HIPK3: variants seen among roughly 807,000 people sequenced by gnomAD.
HIPK3 encodes the protein homeodomain-interacting protein kinase 3.
HIPK3 carries 47 observed loss-of-function variants against 124.2 expected under a neutral mutation model. The observed-to-expected ratio is 0.38, with a 90% CI of 0.30 to 0.48. The LOEUF is 0.48. HIPK3 is among the 20% of genes least tolerant of loss of function. The pLI is 0.98. For synonymous variants in HIPK3, 482 were observed against 515.2 expected (o/e 0.94, Z 0.87); for missense variants, 1,286 against 1,454.3 (o/e 0.88, Z 1.88).
At chr11:33,341,797 C>T in intron 8 of HIPK3, 111 bp downstream of exon 8, 1 of 1,028,300 alleles carries the variant, frequency 9.7e-7, no homozygotes, top group Non-Finnish European at 1.4e-6. Flanking sequence ...TTTAGTGCTA[C>T]ATTTGAATTT....
chr11:33,317,430 T>C (rs1192924864), intron 2 of HIPK3, among the ~76,000 whole-genome samples: 1 of 151,962 alleles, frequency 6.6e-6, no homozygotes, highest in African/African-American at 2.4e-5. Context: ...TCAGCTAATA[T>C]TTTTAAAAAA....
intron 12 of HIPK3, 88 bp downstream of exon 12, chr11:33,348,316 C>A: frequency 7.9e-7 from 1 of 1,259,486 alleles, no homozygotes; most frequent in Non-Finnish European, 1.1e-6. Flanking sequence ...TACCAAAAAG[C>A]AACTATTTAA....
chr11:33,273,546 T>G (rs1210323417), intron 1 of HIPK3, among the ~76,000 whole-genome samples: 1 of 149,132 alleles, frequency 6.7e-6, no homozygotes, highest in Non-Finnish European at 1.5e-5. Context: ...AAAGAAGATT[T>G]TGGACAATAC....
chr11:33,257,817 G>A lies in HIPK3; in HGVS notation c.-75G>A, dbSNP rs980996023. On this transcript the variant is annotated 5_prime_UTR_variant, in exon 1 of 17. Coordinates refer to ENST00000303296, the MANE Select transcript of HIPK3 (RefSeq NM_005734.5). ...CGCCTGGCTCCCGGTCCCCGGCACG[G>A]CCCTGCGCCCCACCCCGGACATGCT... 1 of 986,542 alleles carries A rather than the reference G, an allele frequency of 1.0e-6. No homozygotes were observed. The highest frequency in any genetic ancestry group is 1.2e-6 in the Non-Finnish European group (1 of 830,848). 61.1% of individuals were successfully genotyped at this position (986,542 alleles called of 1,614,324 possible).
chr11:33,328,528 G>C lies in HIPK3; in HGVS notation c.1116G>C (p.Leu372Phe). 1 of 1,613,240 alleles carries C rather than the reference G, an allele frequency of 6.2e-7. No individual in the cohort carries two copies. The highest frequency in any genetic ancestry group is 8.5e-7 in the Non-Finnish European group (1 of 1,179,438). Residue 372 changes from leucine (L) to phenylalanine (F), a missense_variant, in exon 3 of 17, where the codon TTG (leucine) becomes TTC (phenylalanine). This residue lies in a region of HIPK3 where 251 missense variants were observed against 349.1 expected (regional missense o/e 0.72). Coordinates refer to ENST00000303296, the MANE Select transcript of HIPK3 (RefSeq NM_005734.5). ...ATTTCAGAGCTCCAGAGATTATATTGGGGTTGCCATTTTGTGAAGCCATAG... is the reference window on the plus strand; with the variant it reads ...ATTTCAGAGCTCCAGAGATTATATTCGGGTTGCCATTTTGTGAAGCCATAG... ...SRYYRAPEII[L>F]GLPFCEAIDM...
chr11:33,286,404 TTTTTG>T lies in HIPK3; in HGVS notation c.-2-8_-2-4del. On this transcript the variant is annotated splice_region_variant and splice_polypyrimidine_tract_variant and intron_variant, in intron 1 of 16. Coordinates refer to ENST00000303296, the MANE Select transcript of HIPK3 (RefSeq NM_005734.5). The stretch of plus-strand genomic sequence containing the variant: ...TTTTTTCTTTTCCTTTTTTTTTTTT[TTTTTG>T]CAGGTATGGCCTCACAAGTCTTGGT... 1.5e-6 allele frequency: 2 copies of T among 1,308,664 alleles called. No homozygotes were observed. The highest frequency in any genetic ancestry group is 3.7e-5 in the Admixed American group (1 of 27,368). 81.1% of individuals were successfully genotyped at this position (1,308,664 alleles called of 1,614,324 possible).
chr11:33,349,169 G>A lies in HIPK3; in HGVS notation c.2689G>A (p.Glu897Lys), dbSNP rs1182492128. 2.5e-6 allele frequency: 4 copies of A among 1,613,900 alleles called. No individual in the cohort carries two copies. In the South Asian group the frequency reaches 4.4e-5, roughly 18 times the overall value. ...LRECKGSLDC[E>K]ACQSTLNIDR... Reference sequence around the variant, plus strand: ...TAGATGTAAAGGTAGTCTAGATTGTGAAGCTTGCCAGAGCACTTTGAATAT... The same window carrying A: ...TAGATGTAAAGGTAGTCTAGATTGTAAAGCTTGCCAGAGCACTTTGAATAT... The change falls in exon 14 of 17, where the codon GAA becomes AAA. Residue 897 changes from glutamate (E) to lysine (K), a missense_variant. Physicochemically the swap from Glu to Lys is moderately conservative, Grantham distance 56. Coordinates refer to ENST00000303296, the MANE Select transcript of HIPK3 (RefSeq NM_005734.5).
intron 3 of HIPK3, 32 bp downstream of exon 3, chr11:33,328,665 TA>T (rs1852880384): frequency 6.3e-7 from 1 of 1,599,738 alleles, no homozygotes; most frequent in Non-Finnish European, 8.6e-7. Context: ...ATAGAATTGG[TA>T]AAAAGTAAAG....
chr11:33,277,391 G>A (rs1851300830), intron 1 of HIPK3, among the ~76,000 whole-genome samples: 1 of 152,144 alleles, frequency 6.6e-6, no homozygotes, highest in African/African-American at 2.4e-5. Context: ...CACTTCATCA[G>A]TTCTAGCACA....
At chr11:33,258,341 G>C in intron 1 of HIPK3, 2 of 985,570 alleles carry the variant, frequency 2.0e-6, no homozygotes, top group Non-Finnish European at 2.4e-6. Flanking sequence ...TTCATTAAGG[G>C]GAACAAACAA....
chr11:33,340,953 C>CT lies in HIPK3; in HGVS notation c.1614-10dup. 1 of 1,496,514 alleles carries CT rather than the reference C, an allele frequency of 6.7e-7. No individual in the cohort carries two copies. The highest frequency in any genetic ancestry group is 9.2e-7 in the Non-Finnish European group (1 of 1,092,674). 92.7% of individuals were successfully genotyped at this position (1,496,514 alleles called of 1,614,324 possible). Reference sequence around the variant, plus strand: ...TTAAAATAATACTGTAATACCTTCACTTTTTCTTTTACAGTGTAAAGTCCT... The same window carrying CT: ...TTAAAATAATACTGTAATACCTTCACTTTTTTCTTTTACAGTGTAAAGTCCT... On this transcript the variant is annotated splice_polypyrimidine_tract_variant and intron_variant, in intron 6 of 16. Coordinates refer to ENST00000303296, the MANE Select transcript of HIPK3 (RefSeq NM_005734.5).
chr11:33,346,791 T>G (rs1326041856), intron 8 of HIPK3, among the ~76,000 whole-genome samples: 4 of 152,152 alleles, frequency 2.6e-5, no homozygotes, highest in African/African-American at 9.7e-5. Flanking sequence ...TTATGATAAT[T>G]TTTGGAATGA....
intron 2 of HIPK3, among the ~76,000 whole-genome samples, chr11:33,310,356 C>A (rs266455): frequency 0.85 from 129,638 of 151,816 alleles, 55,803 homozygotes; most frequent in African/African-American, 0.96. Flanking sequence ...CCCAGGCTGG[C>A]GTACAGTGGC....
intron 2 of HIPK3, among the ~76,000 whole-genome samples, chr11:33,318,063 A>G (rs1374930237): frequency 1.3e-5 from 2 of 152,190 alleles, no homozygotes; most frequent in Non-Finnish European, 2.9e-5. Flanking sequence ...GAGTTCAGTA[A>G]AATGTCTGCT....
chr11:33,309,951 T>G (rs1852273195), intron 2 of HIPK3, among the ~76,000 whole-genome samples: 1 of 152,230 alleles, frequency 6.6e-6, no homozygotes. Flanking sequence ...AAAAAGTAGA[T>G]TCCAGCTTTC....
chr11:33,348,469 TTGA>T lies in HIPK3; in HGVS notation c.2370-51_2370-49del, dbSNP rs893563077. On this transcript the variant is annotated intron_variant, in intron 12 of 16. Transcript: ENST00000303296. ...TGGTTTAACAAGATACCTTAGACAA[TTGA>T]TTATACATATTTTGATTATAGAAAT... 3 of 1,411,188 alleles carry T rather than the reference TTGA, an allele frequency of 2.1e-6. No homozygotes were observed. In the African/African-American group the frequency reaches 4.4e-5, roughly 21 times the overall value. 87.4% of individuals were successfully genotyped at this position (1,411,188 alleles called of 1,614,324 possible).
chr11:33,271,111 G>C (rs896544676), intron 1 of HIPK3, among the ~76,000 whole-genome samples: 1 of 152,022 alleles, frequency 6.6e-6, no homozygotes, highest in Non-Finnish European at 1.5e-5. Flanking sequence ...TGCCTTAGTG[G>C]TAATTTTTAT....
intron 1 of HIPK3, among the ~76,000 whole-genome samples, chr11:33,280,767 A>G (rs898346722): frequency 3.3e-5 from 5 of 152,218 alleles, no homozygotes; most frequent in Non-Finnish European, 5.9e-5. Context: ...TCTCTATGTC[A>G]GTTATCAGCT....
chr11:33,268,476 A>C (rs1362975064), intron 1 of HIPK3, among the ~76,000 whole-genome samples: 1 of 151,280 alleles, frequency 6.6e-6, no homozygotes, highest in Non-Finnish European at 1.5e-5. Flanking sequence ...CTGTAGTCCT[A>C]GCCACTCGGG....
Sources: allele counts gnomAD v4.1 joint callset (sites outside exome capture counted in the v4.1 genomes callset), GRCh38; gene constraint gnomAD v4.1.1; regional missense constraint gnomAD v4.1.1; transcripts MANE v1.5; gene names NCBI Gene and HGNC (gene_info 2026-07-23, HGNC 2026-07-21).